PRDM1: variants seen among roughly 807,000 people sequenced by gnomAD.
The protein encoded by PRDM1 is PR/SET domain 1.
Under a neutral mutation model 62.8 loss-of-function variants are expected in PRDM1, and 13 were observed. The observed-to-expected ratio is 0.21, with a 90% confidence interval of 0.13 to 0.33. The LOEUF (loss-of-function observed/expected upper bound fraction) is 0.33. Ranked by LOEUF, PRDM1 falls within the 10% of genes least tolerant of loss-of-function variation. The pLI is 1.00. For missense variants in PRDM1, 895 were observed against 1,058.8 expected, an observed-to-expected ratio of 0.85 and a Z score of 2.15; for synonymous variants, 396 against 417.6, an observed-to-expected ratio of 0.95 and a Z score of 0.63.
intron 1 of PRDM1, among the ~76,000 whole-genome samples, chr6:106,059,382 G>A (rs1329507141): frequency 6.6e-6 from 1 of 152,136 alleles, no homozygotes; most frequent in Non-Finnish European, 1.5e-5. Context: ...GAAATTCAAA[G>A]GTGGGAATGT....
chr6:106,069,012 G>A (rs922709299), intron 1 of PRDM1, among the ~76,000 whole-genome samples: 2 of 152,134 alleles, frequency 1.3e-5, no homozygotes, highest in African/African-American at 4.8e-5. Flanking sequence ...GTTGCAGAAA[G>A]CACACCAGGT....
chr6:106,055,635 G>T (rs1309938268), intron 1 of PRDM1, among the ~76,000 whole-genome samples: 1 of 152,314 alleles, frequency 6.6e-6, no homozygotes, highest in African/African-American at 2.4e-5. Flanking sequence ...TCTATTTGTT[G>T]AGTGTTGCAA....
chr6:106,022,859 A>G (rs566611268), intron 1 of PRDM1, among the ~76,000 whole-genome samples: 1 of 152,168 alleles, frequency 6.6e-6, no homozygotes, highest in African/African-American at 2.4e-5. Context: ...CCCGGCCATA[A>G]ATGAAATATT....
Position 106,058,549 on chromosome 6 carries a change from T to C in PRDM1, c.-67+9835T>C, listed in dbSNP as rs996959842. Among the ~76,000 whole-genome samples the C allele has an allele frequency of 2.0e-5, 3 of 152,174 alleles. No homozygotes were observed. In the East Asian group the frequency reaches 5.8e-4, roughly 29 times the overall value. ...GCCTCCATGTGCTTCCACTTTGGCA[T>C]TCCCACTAGCCAGCATATTTCTTTC... On this transcript the variant is annotated intron_variant, in intron 1 of 6. Coordinates refer to the PRDM1 transcript ENST00000651185.
At chr6:106,024,446 T>G (rs1772739515) in intron 1 of PRDM1, among the ~76,000 whole-genome samples, 1 of 152,236 alleles carries the variant, frequency 6.6e-6, no homozygotes, top group Admixed American at 6.5e-5. Context: ...TTATTTTATT[T>G]GCATGGTGTG....
At chr6:106,083,734 T>TAAAAAA (rs1773737415), upstream of PRDM1, among the ~76,000 whole-genome samples, 2 of 152,212 alleles carry the variant, frequency 1.3e-5, no homozygotes, top group African/African-American at 2.4e-5. Flanking sequence ...TAAAGATAAC[T>TAAAAAA]GAGGTTCTTT....
intron 1 of PRDM1, among the ~76,000 whole-genome samples, chr6:105,997,564 CT>C (rs1772362846): frequency 6.6e-6 from 1 of 152,218 alleles, no homozygotes; most frequent in Non-Finnish European, 1.5e-5. Flanking sequence ...GTCTTGTCTC[CT>C]TAACGGGTTA....
intron 1 of PRDM1, among the ~76,000 whole-genome samples, chr6:106,050,245 A>G (rs1420080672): frequency 6.6e-6 from 1 of 152,158 alleles, no homozygotes; most frequent in Non-Finnish European, 1.5e-5. Context: ...GTGTTACTCT[A>G]AGATTTCAGT....
chr6:106,007,817 T>C (rs1443494572), intron 1 of PRDM1, among the ~76,000 whole-genome samples: 1 of 152,150 alleles, frequency 6.6e-6, no homozygotes, highest in Non-Finnish European at 1.5e-5. Flanking sequence ...TCCTAACGAC[T>C]TTCTCCAGCT....
At chr6:106,078,521 T>C (rs1385294047) in intron 1 of PRDM1, among the ~76,000 whole-genome samples, 3 of 152,366 alleles carry the variant, frequency 2.0e-5, no homozygotes, top group Non-Finnish European at 2.9e-5. Flanking sequence ...CTTTGTGTTA[T>C]ATCAGTGCTT....
intron 1 of PRDM1, among the ~76,000 whole-genome samples, chr6:106,062,684 A>G (rs1773362323): frequency 6.6e-6 from 1 of 152,118 alleles, no homozygotes; most frequent in African/African-American, 2.4e-5. Context: ...CCCTCCTCCA[A>G]CACACACACC....
At chr6:106,064,897 G>A (rs1428531672) in intron 1 of PRDM1, among the ~76,000 whole-genome samples, 2 of 152,126 alleles carry the variant, frequency 1.3e-5, no homozygotes, top group Admixed American at 6.5e-5. Flanking sequence ...TTGCTTAACT[G>A]AATCACCGTT....
chr6:106,067,342 A>G (rs534915550), intron 1 of PRDM1, among the ~76,000 whole-genome samples: 2 of 152,302 alleles, frequency 1.3e-5, no homozygotes, highest in South Asian at 4.2e-4. Context: ...TAAATGTATG[A>G]TGTTGGGTTT....
intron 1 of PRDM1, among the ~76,000 whole-genome samples, chr6:106,054,737 A>G (rs1773236456): frequency 6.6e-6 from 1 of 152,228 alleles, no homozygotes; most frequent in East Asian, 1.9e-4. Context: ...TTTAATGGTG[A>G]TTGGAATGAA....
At chr6:106,059,888 G>A (rs544544966) in intron 1 of PRDM1, among the ~76,000 whole-genome samples, 11 of 152,322 alleles carry the variant, frequency 7.2e-5, no homozygotes, top group African/African-American at 2.6e-4. Flanking sequence ...TCCTAAGTTC[G>A]ATTTTGGTGG....
intron 1 of PRDM1, among the ~76,000 whole-genome samples, chr6:106,017,365 T>C (rs1772634549): frequency 6.6e-6 from 1 of 152,216 alleles, no homozygotes; most frequent in Non-Finnish European, 1.5e-5. Context: ...TGTATCCATT[T>C]TCTAAACACA....
At chr6:106,092,955 T>C (rs1023847623) in intron 2 of PRDM1, among the ~76,000 whole-genome samples, 5 of 152,212 alleles carry the variant, frequency 3.3e-5, no homozygotes, top group African/African-American at 9.7e-5. Flanking sequence ...TGTATGTAAT[T>C]GAAATTTAAA....
At chr6:106,094,096 T>G (rs1243506523) in intron 2 of PRDM1, among the ~76,000 whole-genome samples, 2 of 152,234 alleles carry the variant, frequency 1.3e-5, no homozygotes, top group Non-Finnish European at 2.9e-5. Flanking sequence ...GGAACTGGTG[T>G]ATATTGTAAC....
intron 1 of PRDM1, among the ~76,000 whole-genome samples, chr6:106,023,644 G>C (rs1265865615): frequency 6.6e-6 from 1 of 151,824 alleles, no homozygotes; most frequent in Non-Finnish European, 1.5e-5. Flanking sequence ...TCTTCCTTAG[G>C]GTAGGAACCA....
Sources: allele counts gnomAD v4.1 joint callset (sites outside exome capture counted in the v4.1 genomes callset), GRCh38; gene constraint gnomAD v4.1.1; transcripts MANE v1.5; gene names NCBI Gene and HGNC (gene_info 2026-07-23, HGNC 2026-07-21).